The following CCDC191 variants were observed in gnomAD, a reference collection of about 807,000 sequenced individuals.
The protein encoded by CCDC191 is coiled-coil domain containing 191.
CCDC191 carries 99 observed loss-of-function variants against 114.0 expected under a neutral mutation model. The observed-to-expected ratio is 0.87, with a 90% CI of 0.74 to 1.03. The LOEUF (loss-of-function observed/expected upper bound fraction) is 1.03, where lower values mean the gene tolerates loss of function less well. Among genes scored for constraint, CCDC191 ranks in the 50% least tolerant of loss-of-function variants. The probability of loss-of-function intolerance (pLI) is 0.00; values close to 1 mark genes in which losing one functional copy is unlikely to be tolerated. For synonymous variants in CCDC191, 351 were observed against 376.0 expected, an observed-to-expected ratio of 0.93 and a Z score of 0.77; for missense variants, 973 against 1,087.0, an observed-to-expected ratio of 0.90 and a Z score of 1.47.
chr3:113,976,480 A>G (rs1421123630), intron 16 of CCDC191, among the ~76,000 whole-genome samples: 1 of 152,076 alleles, frequency 6.6e-6, no homozygotes, highest in Non-Finnish European at 1.5e-5. Flanking sequence ...AAATAATGAC[A>G]TCTCCCCACA....
rs112780146 is a variant in CCDC191, at chr3:113,992,727, TA to T, written c.2163+8867del. On this transcript the variant is annotated intron_variant, in intron 13 of 16. Coordinates refer to ENST00000295878, the MANE Select transcript of CCDC191 (RefSeq NM_020817.2). ...ACGTACCCTAAAACTTAAAGTATAA[TA>T]AAAAAAAAGAATTAATGCCAATTCT... 6.6e-4 allele frequency among the ~76,000 whole-genome samples: 99 copies of T among 150,772 alleles called. 1 individual carries two copies. Among genetic ancestry groups the T allele is most frequent in the Non-Finnish European group, 3.0e-4 (20 of 67,648 alleles).
At chr3:114,046,487 A>G (rs2076631296) in intron 3 of CCDC191, 104 bp downstream of exon 3, 15 of 761,556 alleles carry the variant, frequency 2.0e-5, no homozygotes, top group Non-Finnish European at 3.4e-5. Flanking sequence ...AAGAAAGGGA[A>G]ATTAAGAACA....
rs568082160 is a variant in CCDC191 at position 114,038,959 on chromosome 3, G to C, written c.416-2173C>G. Among the ~76,000 whole-genome samples, 80 of 152,202 alleles carry C rather than the reference G, an allele frequency of 5.3e-4. 1 individual carries two copies. In the South Asian group the frequency reaches 5.4e-3, roughly 10 times the overall value. On this transcript the variant is annotated intron_variant, in intron 4 of 16. Coordinates refer to ENST00000295878, the MANE Select transcript of CCDC191 (RefSeq NM_020817.2). ...CCTAGGTGATGGGTTGATCTGTGTAGCAAACCACCATGGCACATGTCTACC... is the reference window on the plus strand; with the variant it reads ...CCTAGGTGATGGGTTGATCTGTGTACCAAACCACCATGGCACATGTCTACC...
chr3:114,046,932 C>A (rs2076638214), intron 2 of CCDC191, 200 bp from the exon 3 acceptor site: 1 of 958,940 alleles, frequency 1.0e-6, no homozygotes, highest in South Asian at 4.8e-5. Context: ...AAATTAATTG[C>A]AGTATTTTAC....
chr3:114,036,384 T>C (rs1263084486), intron 5 of CCDC191, among the ~76,000 whole-genome samples: 1 of 151,906 alleles, frequency 6.6e-6, no homozygotes, highest in Non-Finnish European at 1.5e-5. Flanking sequence ...TCAATTATTC[T>C]TTTTTTTCTT....
rs145641275 is a variant in CCDC191 at position 114,001,863 on chromosome 3, C to T, written c.2062-167G>A. 2.2e-4 allele frequency: 166 copies of T among 746,758 alleles called. 1 individual carries two copies. Among genetic ancestry groups the T allele is most frequent in the African/African-American group, 1.7e-3 (94 of 56,698 alleles). The allele number at this position is 746,758 out of a possible 1,614,324, so 46.3% of individuals were successfully genotyped here. A position where few individuals can be genotyped will look rare whatever the true frequency, so the allele number is the denominator to read the frequency against. ...AACTCAATCAACCTGTCATCAGTTA[C>T]GTAACTTAAAAGTTTCTCCAAAAGA... On this transcript the variant is annotated intron_variant, in intron 12 of 16. Transcript: ENST00000295878.
intron 8 of CCDC191, among the ~76,000 whole-genome samples, chr3:114,016,960 G>A (rs1489522242): frequency 2.0e-5 from 3 of 151,942 alleles, no homozygotes; most frequent in Admixed American, 1.3e-4. Flanking sequence ...TCAATCACTA[G>A]GTCCTGAGAT....
intron 7 of CCDC191, among the ~76,000 whole-genome samples, chr3:114,023,475 C>A (rs2076273040): frequency 6.6e-6 from 1 of 152,162 alleles, no homozygotes; most frequent in African/African-American, 2.4e-5. Context: ...GCTACAGTAA[C>A]CAAAACAGCA....
At chr3:113,974,511 G>C (rs1422463687) in intron 16 of CCDC191, among the ~76,000 whole-genome samples, 2 of 151,810 alleles carry the variant, frequency 1.3e-5, no homozygotes, top group Non-Finnish European at 2.9e-5. Context: ...GTAGAGAGGG[G>C]GTTTCACCAT....
At position 113,980,687 on chromosome 3, in the gene CCDC191, C is replaced by T. The variant is rs200521026; in HGVS notation, c.2270G>A (p.Trp757Ter). Residue 757 changes from tryptophan to a stop codon, truncating the protein, a stop_gained, in exon 14 of 17, where the codon TGG becomes TAG. Transcript: ENST00000295878. LOFTEE classifies it high-confidence loss of function. ...VLLRKKGLEP[W>*]KRLRMQSKQN... is the part of the protein sequence containing the mutation. ...TTTGCTTTGCATTCTCAATCTCTTC[C>T]AAGGCTCTAGACCTTTTTTCCTTAG... The T allele has an allele frequency of 1.4e-4, 224 of 1,604,230 alleles. No individual in the cohort carries two copies. Among genetic ancestry groups the T allele is most frequent in the Admixed American group, 3.3e-4 (19 of 57,424 alleles).
chr3:114,049,413 C>T (rs559656400), intron 2 of CCDC191, among the ~76,000 whole-genome samples: 12 of 152,236 alleles, frequency 7.9e-5, no homozygotes, highest in South Asian at 2.1e-4. Context: ...ATGTAAATAA[C>T]GTACAAATAA....
At chr3:113,996,373 C>T (rs2075723372) in intron 13 of CCDC191, among the ~76,000 whole-genome samples, 1 of 152,176 alleles carries the variant, frequency 6.6e-6, no homozygotes, top group Non-Finnish European at 1.5e-5. Context: ...GGAATCCTTT[C>T]CCCATTGCTT....
Position 114,034,949 on chromosome 3 carries a change from C to T in CCDC191, c.794G>A (p.Arg265His), listed in dbSNP as rs768540332. Reference sequence around the variant, plus strand: ...CATTTTCCATGCTGCTTTCACAGTGCGTCTCCTCTCAATTATCTCCCTCCG... The same window carrying T: ...CATTTTCCATGCTGCTTTCACAGTGTGTCTCCTCTCAATTATCTCCCTCCG... ...KLRREIIERR[R>H]TVKAAWKIEK... The change falls in exon 6 of 17, where the codon CGC becomes CAC. Residue 265 changes from arginine (R) to histidine (H), a missense_variant. By Grantham distance (29) the Arg-to-His change is conservative. Transcript: ENST00000295878. 2.5e-6 allele frequency: 4 copies of T among 1,613,848 alleles called. No homozygotes were observed. The highest frequency in any genetic ancestry group is 1.7e-5 in the Admixed American group (1 of 59,998).
intron 16 of CCDC191, among the ~76,000 whole-genome samples, chr3:113,975,404 T>C (rs1941241769): frequency 6.6e-6 from 1 of 152,238 alleles, no homozygotes; most frequent in Non-Finnish European, 1.5e-5. Context: ...GAACTCTGAA[T>C]ATCAATTTTT....
At chr3:114,017,466 G>GT (rs1478959162) in intron 8 of CCDC191, among the ~76,000 whole-genome samples, 1 of 152,154 alleles carries the variant, frequency 6.6e-6, no homozygotes, top group African/African-American at 2.4e-5. Context: ...CCATTCAACT[G>GT]TGAGTTCTTT....
At chr3:113,972,266 A>G (rs1205546921) in intron 16 of CCDC191, among the ~76,000 whole-genome samples, 3 of 152,024 alleles carry the variant, frequency 2.0e-5, no homozygotes, top group Non-Finnish European at 4.4e-5. Flanking sequence ...ATAGATTTTG[A>G]TCTATGATAT....
In CCDC191 at chr3:113,964,878, A is replaced by AAAGT; in HGVS notation, c.*273_*276dup. 4.4e-6 allele frequency: 1 copy of AAAGT among 224,850 alleles called. No individual in the cohort carries two copies. Among genetic ancestry groups the AAAGT allele is most frequent in the Non-Finnish European group, 8.6e-6 (1 of 115,804 alleles). 13.9% of individuals were successfully genotyped at this position (224,850 alleles called of 1,614,324 possible). ...AGTCAGGCAAACACTTGTCCTTTTT[A>AAAGT]AAGTTTACTATGCTAAAAATATATA... On this transcript the variant is annotated 3_prime_UTR_variant, in exon 17 of 17. Transcript: ENST00000295878.
intron 13 of CCDC191, among the ~76,000 whole-genome samples, chr3:113,992,666 A>G (rs1196839236): frequency 6.6e-6 from 1 of 152,206 alleles, no homozygotes. Flanking sequence ...AACATGGCAC[A>G]TGTATACATA....
chr3:113,972,291 G>A (rs1940902131), intron 16 of CCDC191, among the ~76,000 whole-genome samples: 1 of 151,796 alleles, frequency 6.6e-6, no homozygotes, highest in Non-Finnish European at 1.5e-5. Flanking sequence ...ATTTTCATTG[G>A]TTTCAAGAAA....
Sources: gnomAD v4.1 joint callset for allele counts (sites outside exome capture counted in the v4.1 genomes callset) on GRCh38, gnomAD v4.1.1 for gene constraint, MANE v1.5 for transcripts, NCBI Gene and HGNC (gene_info 2026-07-23, HGNC 2026-07-21) for gene names.